Variants in RINT1 observed in about 807,000 individuals in gnomAD.
RINT1 encodes RAD50 interactor 1, also known as RAD50-interacting protein 1.
RINT1 carries 75 observed loss-of-function variants against 97.7 expected under a neutral mutation model. That is an observed-to-expected ratio of 0.77 (90% CI 0.64 to 0.93). The LOEUF is 0.93. Ranked by LOEUF, RINT1 falls within the 40% of genes least tolerant of loss-of-function variation. RINT1 has a pLI of 0.00. For synonymous variants in RINT1, 303 were observed against 326.3 expected (o/e 0.93, Z 0.77); for missense variants, 892 against 925.2 (o/e 0.96, Z 0.47).
At chr7:105,545,918 C>G (rs1790647640) in intron 4 of RINT1, among the ~76,000 whole-genome samples, 1 of 151,144 alleles carries the variant, frequency 6.6e-6, no homozygotes, top group African/African-American at 2.4e-5. Context: ...GTTCTCCTGC[C>G]TCAGCCTCCC....
At chr7:105,544,441 T>G (rs1476002051) in intron 4 of RINT1, among the ~76,000 whole-genome samples, 1 of 151,968 alleles carries the variant, frequency 6.6e-6, no homozygotes, top group Non-Finnish European at 1.5e-5. Flanking sequence ...AATTTTCTTT[T>G]TATTTTTTTT....
intron 3 of RINT1, among the ~76,000 whole-genome samples, chr7:105,540,366 A>G (rs1034502191): frequency 1.2e-4 from 18 of 152,152 alleles, no homozygotes; most frequent in Non-Finnish European, 1.9e-4. Flanking sequence ...GGTTTCACCA[A>G]TTCTCCTGCC....
At chr7:105,542,733 T>A in intron 4 of RINT1, 84 bp downstream of exon 4, 1 of 1,314,460 alleles carries the variant, frequency 7.6e-7, no homozygotes. Flanking sequence ...CATTAAATAA[T>A]TGAGTTAATT....
At chr7:105,559,618 G>C (rs1421766326) in intron 11 of RINT1, among the ~76,000 whole-genome samples, 1 of 151,776 alleles carries the variant, frequency 6.6e-6, no homozygotes, top group African/African-American at 2.4e-5. Flanking sequence ...CTACTCAGGA[G>C]GCTGAGGCAG....
rs1231468641 is a variant in RINT1, at chr7:105,550,496, G to C, written c.1333+10G>C. The C allele has an allele frequency of 6.4e-7, 1 of 1,559,086 alleles. No homozygotes were observed. The highest frequency in any genetic ancestry group is 1.4e-5 in the African/African-American group (1 of 73,870). On this transcript the variant is annotated intron_variant, in intron 9 of 14. Transcript: ENST00000257700. ...ACGGTGGAGAGAAAATGTAAGTGCT[G>C]ATGTGGCCAGATGGTAGGGAGATAT...
In RINT1 at chr7:105,547,263, C is replaced by G. The variant is rs370242278; in HGVS notation, c.769C>G (p.Pro257Ala). Residue 257 changes from proline (P) to alanine (A), a missense_variant, in exon 6 of 15, where the codon CCT becomes GCT. Pro to Ala is a conservative substitution (Grantham distance 27). Coordinates refer to ENST00000257700, the MANE Select transcript of RINT1 (RefSeq NM_021930.6). ...PQSQTVGLSRPASAPEIYSYL... is the reference protein window; with the variant it reads ...PQSQTVGLSRAASAPEIYSYL... ...ATCACAAACTGTTGGCTTAAGTCGACCTGCCAGTGCCCCGGAGATATACAG... is the reference window on the plus strand; with the variant it reads ...ATCACAAACTGTTGGCTTAAGTCGAGCTGCCAGTGCCCCGGAGATATACAG... The G allele has an allele frequency of 4.8e-5, 77 of 1,614,070 alleles. No individual in the cohort carries two copies. Among genetic ancestry groups the G allele is most frequent in the Non-Finnish European group, 6.3e-5 (74 of 1,180,038 alleles).
At chr7:105,547,718 C>CTTTTTTTTTTTTT in intron 6 of RINT1, among the ~76,000 whole-genome samples, 1 of 116,168 alleles carries the variant, frequency 8.6e-6, no homozygotes, top group African/African-American at 3.3e-5. Context: ...CATTTTTGTG[C>CTTTTTTTTTTTTT]TTTTTTTTTT....
Position 105,550,311 on chromosome 7 carries a change from T to A in RINT1, c.1158T>A (p.Thr386=). 6.2e-7 allele frequency: 1 copy of A among 1,614,170 alleles called. No individual in the cohort carries two copies. Among genetic ancestry groups the A allele is most frequent in the Non-Finnish European group, 8.5e-7 (1 of 1,180,020 alleles). ...TGCTGGTTCTTGAGAAGTTAGCCACTGATATTCCTTGTCTGCTATATGATG... is the reference window on the plus strand; with the variant it reads ...TGCTGGTTCTTGAGAAGTTAGCCACAGATATTCCTTGTCTGCTATATGATG... ...LMMLVLEKLA[T]DIPCLLYDDN... Residue 386 remains threonine, a synonymous_variant, in exon 9 of 15, where the codon ACT becomes ACA. Transcript: ENST00000257700.
Position 105,565,519 on chromosome 7 carries a change from C to T in RINT1, c.2068-11C>T, listed in dbSNP as rs751630489. ...AAAGACAACTGTTATATGAATTATT[C>T]TTTGTTTCAGATAATTCTTGCTAAT... is the stretch of plus-strand genomic sequence containing the variant. On this transcript the variant is annotated splice_polypyrimidine_tract_variant and intron_variant, in intron 13 of 14. Transcript: ENST00000257700. 1.3e-5 allele frequency: 21 copies of T among 1,609,682 alleles called. No individual in the cohort carries two copies. Among genetic ancestry groups the T allele is most frequent in the Non-Finnish European group, 8.5e-7 (1 of 1,176,510 alleles).
In RINT1 at chr7:105,536,662, G is replaced by A; in HGVS notation, c.186G>A (p.Lys62=). Residue 62 remains lysine (K), a synonymous_variant, in exon 3 of 15, where the codon AAG becomes AAA. Transcript: ENST00000257700. ...CTTATGTGTCTGCATTCATAGAAAA[G>A]GAAGTTGGAAATGACCTTAAATCTT... The part of the protein sequence containing the change: ...LPSYVSAFIE[K]EVGNDLKSLK... The A allele has an allele frequency of 6.2e-7, 1 of 1,612,900 alleles. No homozygotes were observed. The highest frequency in any genetic ancestry group is 8.5e-7 in the Non-Finnish European group (1 of 1,179,310).
intron 12 of RINT1, 100 bp downstream of exon 12, chr7:105,564,047 CT>C: frequency 1.3e-6 from 1 of 779,600 alleles, no homozygotes. Context: ...CCGGTTTGGC[CT>C]TATGTACTTT....
At chr7:105,542,672 CACA>C in intron 4 of RINT1, 23 bp downstream of exon 4, 1 of 1,607,924 alleles carries the variant, frequency 6.2e-7, no homozygotes. Context: ...TCTTTGTTCT[CACA>C]ATTACTATTT....
chr7:105,539,987 T>C (rs1196006091), intron 3 of RINT1, among the ~76,000 whole-genome samples: 1 of 152,218 alleles, frequency 6.6e-6, no homozygotes, highest in African/African-American at 2.4e-5. Context: ...TTGAAATTAT[T>C]CTATAATGTT....
intron 3 of RINT1, among the ~76,000 whole-genome samples, chr7:105,537,662 T>G (rs1790301749): frequency 6.6e-6 from 1 of 151,502 alleles, no homozygotes; most frequent in Admixed American, 6.6e-5. Context: ...AAATCCCGAC[T>G]CTACTAAAAA....
At chr7:105,557,403 A>G (rs1791227486) in intron 11 of RINT1, among the ~76,000 whole-genome samples, 1 of 152,262 alleles carries the variant, frequency 6.6e-6, no homozygotes. Flanking sequence ...GTGTGTCCAG[A>G]TGAGTCACAA....
At chr7:105,546,705 C>T (rs1411059469) in intron 4 of RINT1, among the ~76,000 whole-genome samples, 1 of 152,086 alleles carries the variant, frequency 6.6e-6, no homozygotes, top group Non-Finnish European at 1.5e-5. Context: ...GAAACCCTGT[C>T]TCTACTAAAA....
At chr7:105,552,582 T>G (rs534237673) in intron 10 of RINT1, among the ~76,000 whole-genome samples, 4 of 152,014 alleles carry the variant, frequency 2.6e-5, no homozygotes, top group African/African-American at 9.6e-5. Context: ...CCTCTTCACC[T>G]TCGTCAACCA....
chr7:105,548,597 T>G lies in RINT1; in HGVS notation c.883T>G (p.Ser295Ala), dbSNP rs1356970011. ...GCCAAAGCAACTCCCAGAAAAATAC[T>G]CTCTTCCTGCCTCCCCTTCTGTCAT... ...TEPKQLPEKY[S>A]LPASPSVILP... Residue 295 changes from serine to alanine, a missense_variant, in exon 7 of 15, where the codon TCT (serine) becomes GCT (alanine). Ser to Ala is a moderately conservative substitution (Grantham distance 99). Coordinates refer to ENST00000257700, the MANE Select transcript of RINT1 (RefSeq NM_021930.6). 6.2e-7 allele frequency: 1 copy of G among 1,614,042 alleles called. No homozygotes were observed. Among genetic ancestry groups the G allele is most frequent in the Non-Finnish European group, 8.5e-7 (1 of 1,180,014 alleles).
At chr7:105,560,971 C>T (rs1728644) in intron 11 of RINT1, among the ~76,000 whole-genome samples, 1 of 152,000 alleles carries the variant, frequency 6.6e-6, no homozygotes, top group Non-Finnish European at 1.5e-5. Flanking sequence ...TCCGCCGCCC[C>T]GGGCTCCCAA....
Sources: gnomAD v4.1 joint callset for allele counts (sites outside exome capture counted in the v4.1 genomes callset) on GRCh38, gnomAD v4.1.1 for gene constraint, MANE v1.5 for transcripts, NCBI Gene and HGNC (gene_info 2026-07-23, HGNC 2026-07-21) for gene names.